MALRD1: variants seen among roughly 807,000 people sequenced by gnomAD.
The protein encoded by MALRD1 is MAM and LDL-receptor class A domain-containing protein 1.
Under a neutral mutation model 242.1 loss-of-function variants are expected in MALRD1, and 247 were observed. The ratio of observed to expected loss-of-function variants is 1.02; its 90% confidence interval spans 0.92 to 1.13. MALRD1 has a LOEUF of 1.13. MALRD1 is among the 50% of genes most tolerant of loss of function. The pLI is 0.00. For missense variants in MALRD1, 2,989 were observed against 2,533.1 expected (o/e 1.18, Z -3.86); for synonymous variants, 995 against 866.6 (o/e 1.15, Z -2.60).
At chr10:19,622,590 C>A (rs12245564) in intron 36 of MALRD1, among the ~76,000 whole-genome samples, 8,465 of 143,118 alleles carry the variant, frequency 0.059, 696 homozygotes, top group African/African-American at 0.19. Flanking sequence ...TAGGGGTAAA[C>A]AATTAGATAT....
intron 14 of MALRD1, among the ~76,000 whole-genome samples, chr10:19,186,985 G>A (rs12218811): frequency 6.6e-6 from 1 of 152,124 alleles, no homozygotes; most frequent in Non-Finnish European, 1.5e-5. Context: ...CACCACTGTA[G>A]GGAGTGAAAT....
intron 33 of MALRD1, among the ~76,000 whole-genome samples, chr10:19,568,945 A>G (rs1462966228): frequency 6.6e-6 from 1 of 152,174 alleles, no homozygotes; most frequent in Non-Finnish European, 1.5e-5. Context: ...GATTCTAGAT[A>G]CATATTCACA....
rs1338693537 is a variant in MALRD1 at position 19,574,006 on chromosome 10, C to T, written c.5680+6303C>T. On this transcript the variant is annotated intron_variant, in intron 33 of 39. Transcript: ENST00000454679. ...GAAAAGAAATGTCATCATAGGGCAT[C>T]CTTTTTGTCTTGACTTGATAAATAT... Among the ~76,000 whole-genome samples, 6 of 152,112 alleles carry T rather than the reference C, an allele frequency of 3.9e-5. No individual in the cohort carries two copies. In the East Asian group the frequency reaches 1.2e-3, roughly 29 times the overall value.
intron 10 of MALRD1, among the ~76,000 whole-genome samples, chr10:19,137,434 G>C (rs987435088): frequency 6.6e-6 from 1 of 151,724 alleles, no homozygotes; most frequent in African/African-American, 2.4e-5. Context: ...TGAAACCCCC[G>C]TCTCTACTAA....
At chr10:19,496,034 A>G (rs1003897153) in intron 30 of MALRD1, among the ~76,000 whole-genome samples, 15 of 152,224 alleles carry the variant, frequency 9.9e-5, no homozygotes, top group Admixed American at 9.2e-4. Flanking sequence ...TCCTAAATAT[A>G]TAGGCACCCA....
chr10:19,450,757 G>A (rs1368738877), intron 29 of MALRD1, among the ~76,000 whole-genome samples: 1 of 152,130 alleles, frequency 6.6e-6, no homozygotes, highest in Non-Finnish European at 1.5e-5. Context: ...CTGGAGGCTG[G>A]GAAGTCCAAG....
At chr10:19,641,533 A>G (rs915569670) in intron 36 of MALRD1, among the ~76,000 whole-genome samples, 1 of 152,152 alleles carries the variant, frequency 6.6e-6, no homozygotes, top group African/African-American at 2.4e-5. Flanking sequence ...CATATTGGTC[A>G]TCATTTAGAA....
intron 18 of MALRD1, among the ~76,000 whole-genome samples, chr10:19,230,925 C>A (rs558873080): frequency 6.6e-6 from 1 of 152,152 alleles, no homozygotes; most frequent in African/African-American, 2.4e-5. Context: ...GATTAACTGG[C>A]CATGAAATAG....
chr10:19,152,041 A>C (rs1006000761), intron 11 of MALRD1, among the ~76,000 whole-genome samples: 1 of 152,152 alleles, frequency 6.6e-6, no homozygotes, highest in African/African-American at 2.4e-5. Context: ...AGGTCGAGCC[A>C]GATGTGAACA....
intron 31 of MALRD1, among the ~76,000 whole-genome samples, chr10:19,507,655 C>T (rs913951364): frequency 8.5e-5 from 13 of 152,062 alleles, no homozygotes; most frequent in Non-Finnish European, 1.2e-4. Context: ...GAACAAATTT[C>T]TGTTTAATAT....
chr10:19,546,659 TC>T (rs1232480102), intron 32 of MALRD1, among the ~76,000 whole-genome samples: 7 of 152,246 alleles, frequency 4.6e-5, no homozygotes, highest in Admixed American at 3.3e-4. Flanking sequence ...TTGGTACTGA[TC>T]TTTTCTTTTA....
intron 11 of MALRD1, among the ~76,000 whole-genome samples, chr10:19,151,962 G>A (rs1054349325): frequency 3.9e-5 from 6 of 152,024 alleles, no homozygotes; most frequent in African/African-American, 1.2e-4. Context: ...GGCCTCTAAC[G>A]TTCCTAAGAC....
intron 13 of MALRD1, among the ~76,000 whole-genome samples, chr10:19,174,769 A>AT (rs1835157286): frequency 6.6e-6 from 1 of 151,992 alleles, no homozygotes; most frequent in African/African-American, 2.4e-5. Context: ...TATAATATAT[A>AT]TTATGTTTGT....
In MALRD1 at chr10:19,293,082, G is replaced by T. The variant is rs544848497; in HGVS notation, c.3419+9901G>T. 2.6e-4 allele frequency among the ~76,000 whole-genome samples: 40 copies of T among 152,058 alleles called. 1 individual carries two copies. Among genetic ancestry groups the T allele is most frequent in the African/African-American group, 9.6e-4 (40 of 41,488 alleles). Reference sequence around the variant, plus strand: ...TTAGACAGTAAATACCAGAATTATTGCCTTCTCTGGTAAGAAGATAAGCCA... The same window carrying T: ...TTAGACAGTAAATACCAGAATTATTTCCTTCTCTGGTAAGAAGATAAGCCA... On this transcript the variant is annotated intron_variant, in intron 21 of 39. Transcript: ENST00000454679.
rs1452642320 is a variant in MALRD1, at chr10:19,267,903, C to CAT, written c.3079+10140_3079+10141dup. Among the ~76,000 whole-genome samples, 4 of 152,090 alleles carry CAT rather than the reference C, an allele frequency of 2.6e-5. No individual in the cohort carries two copies. The East Asian group carries it at 5.8e-4, about 22-fold the overall frequency. ...TGGTGTAGTCTGTAAATTGATTTAG[C>CAT]ATATATATAGGGAAGAAAAATTTGA... On this transcript the variant is annotated intron_variant, in intron 19 of 39. Coordinates refer to ENST00000454679, the MANE Select transcript of MALRD1 (RefSeq NM_001142308.3).
At chr10:19,114,810 G>A (rs1207945263) in intron 5 of MALRD1, among the ~76,000 whole-genome samples, 3 of 152,146 alleles carry the variant, frequency 2.0e-5, no homozygotes, top group Admixed American at 6.5e-5. Flanking sequence ...AGACATCCAA[G>A]TTCAAAATGT....
intron 18 of MALRD1, among the ~76,000 whole-genome samples, chr10:19,214,163 A>T (rs572415245): frequency 6.6e-6 from 1 of 152,048 alleles, no homozygotes; most frequent in Non-Finnish European, 1.5e-5. Flanking sequence ...CTTCTCGGAA[A>T]CCTTGTCCTG....
intron 12 of MALRD1, among the ~76,000 whole-genome samples, chr10:19,161,549 G>GAAAAAA (rs1491548638): frequency 3.5e-4 from 4 of 11,500 alleles, no homozygotes; most frequent in Non-Finnish European, 4.7e-4. Flanking sequence ...GAAAAAAAAA[G>GAAAAAA]CAAAAAAAAA....
At chr10:19,118,391 G>A (rs1199007062) in intron 5 of MALRD1, among the ~76,000 whole-genome samples, 1 of 152,144 alleles carries the variant, frequency 6.6e-6, no homozygotes, top group Non-Finnish European at 1.5e-5. Context: ...ATCAATGAAT[G>A]CAAGATGTAC....
Sources: allele counts gnomAD v4.1 joint callset (sites outside exome capture counted in the v4.1 genomes callset), GRCh38; gene constraint gnomAD v4.1.1; transcripts MANE v1.5; gene names NCBI Gene and HGNC (gene_info 2026-07-23, HGNC 2026-07-21).